The following FAM168A variants were observed in gnomAD, a reference collection of about 807,000 sequenced individuals.
FAM168A encodes protein FAM168A.
A neutral mutation model predicts 28.5 loss-of-function variants in FAM168A; 3 were observed. That is an observed-to-expected ratio of 0.11 (90% CI 0.05 to 0.27). The LOEUF (loss-of-function observed/expected upper bound fraction) is 0.27. Ranked by LOEUF, FAM168A falls within the 10% of genes least tolerant of loss-of-function variation. The pLI is 1.00. For missense variants in FAM168A, 222 were observed against 311.5 expected, an observed-to-expected ratio of 0.71 and a Z score of 2.16; for synonymous variants, 122 against 124.2, an observed-to-expected ratio of 0.98 and a Z score of 0.12.
chr11:73,484,550 ATATC>A (rs1213086949), intron 1 of FAM168A, among the ~76,000 whole-genome samples: 1 of 143,846 alleles, frequency 7.0e-6, no homozygotes, highest in East Asian at 2.0e-4. Flanking sequence ...ATATCTATCT[ATATC>A]TATATATCTA....
chr11:73,450,066 A>C (rs1251520955), intron 2 of FAM168A, among the ~76,000 whole-genome samples: 2 of 152,226 alleles, frequency 1.3e-5, no homozygotes. Flanking sequence ...AGTTTTCCTA[A>C]AATGTGCAAG....
chr11:73,478,479 T>A (rs1867922852), intron 1 of FAM168A, among the ~76,000 whole-genome samples: 1 of 152,168 alleles, frequency 6.6e-6, no homozygotes, highest in African/African-American at 2.4e-5. Flanking sequence ...GGCGATTGAC[T>A]GCAGATAGAA....
rs1036072739 is a variant in FAM168A at position 73,403,728 on chromosome 11, C to T, written c.*3035G>A. The T allele has an allele frequency of 1.3e-5, 2 of 152,218 alleles. No individual in the cohort carries two copies. Among genetic ancestry groups the T allele is most frequent in the Admixed American group, 6.5e-5 (1 of 15,280 alleles). 9.4% of individuals were successfully genotyped at this position (152,218 alleles called of 1,614,324 possible). On this transcript the variant is annotated 3_prime_UTR_variant, in exon 8 of 8. Transcript: ENST00000356467. ...CCTGGGCTCAGTCCTTTTGCAGTGA[C>T]TCCCCAAGCTTGGCTAGGCTTGTGG... is the stretch of plus-strand genomic sequence containing the variant.
chr11:73,490,439 T>C (rs1331363271), intron 1 of FAM168A, among the ~76,000 whole-genome samples: 1 of 152,232 alleles, frequency 6.6e-6, no homozygotes, highest in African/African-American at 2.4e-5. Flanking sequence ...AAGTCTTTAC[T>C]AGGATCTAGA....
intron 1 of FAM168A, among the ~76,000 whole-genome samples, chr11:73,545,942 T>C (rs1357421174): frequency 6.6e-6 from 1 of 152,126 alleles, no homozygotes; most frequent in African/African-American, 2.4e-5. Context: ...AACACCTACA[T>C]CTCACAGAAA....
chr11:73,584,183 T>A (rs1334464817), intron 1 of FAM168A, among the ~76,000 whole-genome samples: 1 of 152,092 alleles, frequency 6.6e-6, no homozygotes. Context: ...ACTGACTTTT[T>A]TTTTTTTGAG....
At chr11:73,408,602 A>G (rs763915930) in intron 6 of FAM168A, among the ~76,000 whole-genome samples, 8 of 152,004 alleles carry the variant, frequency 5.3e-5, no homozygotes, top group Non-Finnish European at 1.2e-4. Flanking sequence ...AACATGGTGA[A>G]ACCCTGCCTC....
intron 2 of FAM168A, among the ~76,000 whole-genome samples, chr11:73,439,202 C>T (rs190932290): frequency 1.4e-4 from 21 of 152,246 alleles, no homozygotes; most frequent in African/African-American, 3.6e-4. Flanking sequence ...CCCAGCCACC[C>T]AGCCTTCCAC....
intron 1 of FAM168A, among the ~76,000 whole-genome samples, chr11:73,554,650 A>T (rs1943868970): frequency 6.6e-6 from 1 of 152,214 alleles, no homozygotes; most frequent in African/African-American, 2.4e-5. Context: ...ATTAATTAAG[A>T]TCATTAGAAT....
intron 3 of FAM168A, among the ~76,000 whole-genome samples, chr11:73,420,591 A>G (rs1466065413): frequency 1.3e-5 from 2 of 152,216 alleles, no homozygotes; most frequent in Admixed American, 1.3e-4. Context: ...CTCCTTGCTA[A>G]TAACTCCTTC....
chr11:73,529,546 T>C (rs1943490112), intron 1 of FAM168A, among the ~76,000 whole-genome samples: 1 of 152,218 alleles, frequency 6.6e-6, no homozygotes, highest in South Asian at 2.1e-4. Context: ...TCAGAGTATA[T>C]TAATATCAAC....
chr11:73,545,424 T>A (rs867317750), intron 1 of FAM168A, among the ~76,000 whole-genome samples: 4 of 152,040 alleles, frequency 2.6e-5, no homozygotes, highest in Admixed American at 1.3e-4. Flanking sequence ...GGTTAGTGAT[T>A]GCCTAGGGCT....
chr11:73,530,653 C>G (rs1444426177), intron 1 of FAM168A, among the ~76,000 whole-genome samples: 1 of 152,156 alleles, frequency 6.6e-6, no homozygotes, highest in Non-Finnish European at 1.5e-5. Flanking sequence ...CAGTTACTAT[C>G]TCTATTATAC....
At chr11:73,533,733 T>C (rs1943543192) in intron 1 of FAM168A, among the ~76,000 whole-genome samples, 1 of 152,184 alleles carries the variant, frequency 6.6e-6, no homozygotes, top group Non-Finnish European at 1.5e-5. Context: ...ATAATTAACT[T>C]GAACCTCAAG....
chr11:73,574,259 A>G (rs1191824629), intron 1 of FAM168A, among the ~76,000 whole-genome samples: 1 of 152,234 alleles, frequency 6.6e-6, no homozygotes, highest in Non-Finnish European at 1.5e-5. Flanking sequence ...TCTTCACAAC[A>G]GATGGGAAAG....
At chr11:73,512,571 G>T (rs1855245894) in intron 1 of FAM168A, among the ~76,000 whole-genome samples, 5 of 151,340 alleles carry the variant, frequency 3.3e-5, no homozygotes, top group Admixed American at 3.3e-4. Context: ...TACAATATAT[G>T]AATTATATCT....
Position 73,523,979 on chromosome 11 carries a change from TG to T in FAM168A, c.-18-55488del, listed in dbSNP as rs1243285957. On this transcript the variant is annotated intron_variant, in intron 1 of 7. Transcript: ENST00000356467. Reference sequence around the variant, plus strand: ...CTGGGCTCAAGCAATCCTCCCATCTTGGCCTCTCAAAGCACTGGTATAGGTA... The same window carrying T: ...CTGGGCTCAAGCAATCCTCCCATCTTGCCTCTCAAAGCACTGGTATAGGTA... Among the ~76,000 whole-genome samples the T allele has an allele frequency of 3.3e-5, 5 of 152,044 alleles. No individual in the cohort carries two copies. The East Asian group carries it at 9.7e-4, about 29-fold the overall frequency.
chr11:73,513,204 A>T (rs1271066051), intron 1 of FAM168A, among the ~76,000 whole-genome samples: 226 of 132,832 alleles, frequency 1.7e-3, no homozygotes, highest in Non-Finnish European at 3.0e-3. Flanking sequence ...TTTTTTTTTT[A>T]ATTTTTTTTT....
intron 1 of FAM168A, among the ~76,000 whole-genome samples, chr11:73,482,316 A>G (rs1450380219): frequency 6.7e-6 from 1 of 148,880 alleles, no homozygotes; most frequent in African/African-American, 2.4e-5. Flanking sequence ...TCCTGACTTT[A>G]GATTGGAGGC....
Sources: allele counts gnomAD v4.1 joint callset (sites outside exome capture counted in the v4.1 genomes callset), GRCh38; gene constraint gnomAD v4.1.1; transcripts MANE v1.5; gene names NCBI Gene and HGNC (gene_info 2026-07-23, HGNC 2026-07-21).